RBBP7: variants seen among roughly 807,000 people sequenced by gnomAD.
RBBP7 encodes histone-binding protein RBBP7.
RBBP7 carries 5 observed loss-of-function variants against 35.2 expected under a neutral mutation model. The ratio of observed to expected loss-of-function variants is 0.14; its 90% confidence interval spans 0.07 to 0.30. The LOEUF is 0.30. RBBP7 is among the 10% of genes least tolerant of loss of function. The pLI, the probability that RBBP7 is intolerant of heterozygous loss-of-function variation, is 1.00. For missense variants in RBBP7, 155 were observed against 327.5 expected, an observed-to-expected ratio of 0.47 and a Z score of 4.07; for synonymous variants, 140 against 118.7, an observed-to-expected ratio of 1.18 and a Z score of -1.17.
At position 16,844,706 on chromosome X, in the gene RBBP7, G is replaced by C. The variant is rs1320459007; in HGVS notation, c.*329C>G. ...AATCAAGAAGTGTTGGAAGGAAAAA[G>C]TGTAAAAGTTATTCTTGCATATTTG... On this transcript the variant is annotated 3_prime_UTR_variant, in exon 12 of 12. Coordinates refer to ENST00000380087, the MANE Select transcript of RBBP7 (RefSeq NM_002893.4). 7.0e-6 allele frequency: 1 copy of C among 142,916 alleles called. No individual in the cohort carries two copies. The highest frequency in any genetic ancestry group is 1.3e-5 in the Non-Finnish European group (1 of 74,473). The allele number at this position is 142,916 out of a possible 1,213,427, so 11.8% of individuals were successfully genotyped here.
intron 3 of RBBP7, among the ~76,000 whole-genome samples, chrX:16,860,504 A>C (rs931551305): frequency 9.2e-6 from 1 of 108,779 alleles, no homozygotes; most frequent in Non-Finnish European, 1.9e-5. Context: ...CTGGCTAACA[A>C]GGTGAAACCC....
intron 2 of RBBP7, among the ~76,000 whole-genome samples, chrX:16,866,448 C>A (rs1465429596): frequency 2.1e-5 from 2 of 93,862 alleles, no homozygotes; most frequent in Non-Finnish European, 2.0e-5. Flanking sequence ...ATCGCTTGAA[C>A]CCGGGAGGTG....
chrX:16,851,933 A>G, intron 9 of RBBP7, 113 bp downstream of exon 9: 2 of 571,520 alleles, frequency 3.5e-6, no homozygotes, highest in East Asian at 6.7e-5. Context: ...TTTCTTTAAT[A>G]TTAGGTTTCT....
At chrX:16,868,271 T>C (rs1020892533) in intron 2 of RBBP7, among the ~76,000 whole-genome samples, 6 of 111,839 alleles carry the variant, frequency 5.4e-5, no homozygotes, top group Admixed American at 3.8e-4. Context: ...ACTTTAAAAG[T>C]ACATGGTCAA....
intron 10 of RBBP7, chrX:16,846,673 C>T (rs1354377016): frequency 1.8e-5 from 2 of 112,094 alleles, no homozygotes; most frequent in African/African-American, 6.5e-5. Context: ...AAGATTTAAA[C>T]GAAACACTTC....
intron 6 of RBBP7, 184 bp downstream of exon 6, chrX:16,853,498 C>T: frequency 2.7e-6 from 1 of 367,014 alleles, no homozygotes; most frequent in South Asian, 9.5e-5. Context: ...GTCTCACACT[C>T]CTGGTCTCAA....
chrX:16,857,682 A>G lies in RBBP7; in HGVS notation c.509T>C (p.Leu170Pro). 8.3e-7 allele frequency: 1 copy of G among 1,197,949 alleles called. No individual in the cohort carries two copies. The highest frequency in any genetic ancestry group is 1.1e-6 in the Non-Finnish European group (1 of 891,658). Reference protein sequence around the residue: ...PDPSGECNPDLRLRGHQKEGY... With the variant: ...PDPSGECNPDPRLRGHQKEGY... ...TTCCTTCTGGTGACCTCTTAATCTGAGATCAGGATTACATTCTCCACTTGG... is the reference window on the plus strand; with the variant it reads ...TTCCTTCTGGTGACCTCTTAATCTGGGATCAGGATTACATTCTCCACTTGG... The change falls in exon 5 of 12, where the codon CTC (leucine) becomes CCC (proline). Residue 170 changes from leucine to proline, a missense_variant. Leu to Pro is a moderately conservative substitution (Grantham distance 98). Coordinates refer to ENST00000380087, the MANE Select transcript of RBBP7 (RefSeq NM_002893.4).
chrX:16,869,610 C>T, intron 1 of RBBP7: 1 of 1,162,121 alleles, frequency 8.6e-7, no homozygotes, highest in Non-Finnish European at 1.1e-6. Context: ...AGGGGAGGCC[C>T]CAGCTCCCAC....
intron 10 of RBBP7, chrX:16,846,644 A>AT (rs1212522864): frequency 1.8e-5 from 2 of 112,098 alleles, no homozygotes; most frequent in South Asian, 3.7e-4. Flanking sequence ...ACTATGCCTT[A>AT]TTTTTTTATC....
rs754398259 is a variant in RBBP7 at position 16,855,995 on chromosome X, C to CAAAAA, written c.597+1594_597+1598dup. Among the ~76,000 whole-genome samples the CAAAAA allele has an allele frequency of 7.5e-4, 12 of 15,989 alleles. 2 individuals are homozygous for CAAAAA. In the East Asian group the frequency reaches 0.012, roughly 16 times the overall value. 13.9% of individuals were successfully genotyped at this position (15,989 alleles called of 115,157 possible). A position where few individuals can be genotyped will look rare whatever the true frequency, so the allele number is the denominator to read the frequency against. ...TGGGTGACAGAGCAAGACCTTGTCT[C>CAAAAA]AAAAAAAAAAAAAAAAAAAAAAAAA... On this transcript the variant is annotated intron_variant, in intron 5 of 11. Coordinates refer to ENST00000380087, the MANE Select transcript of RBBP7 (RefSeq NM_002893.4).
At position 16,856,602 on chromosome X, in the gene RBBP7, CA is replaced by C. The variant is rs200500552; in HGVS notation, c.597+991del. Among the ~76,000 whole-genome samples the C allele has an allele frequency of 7.4e-5, 8 of 107,725 alleles. No homozygotes were observed. In the Middle Eastern group the frequency reaches 0.019, roughly 249 times the overall value. 93.5% of individuals were successfully genotyped at this position (107,725 alleles called of 115,157 possible). A position where few individuals can be genotyped will look rare whatever the true frequency, so the allele number is the denominator to read the frequency against. On this transcript the variant is annotated intron_variant, in intron 5 of 11. Coordinates refer to ENST00000380087, the MANE Select transcript of RBBP7 (RefSeq NM_002893.4). The stretch of plus-strand genomic sequence containing the variant: ...TCCCCACCCCCAAGCCAAAAACAAA[CA>C]AAAAAAAACCCAGGAAATACCACTT...
At chrX:16,867,663 T>A (rs1039530344) in intron 2 of RBBP7, among the ~76,000 whole-genome samples, 3 of 110,970 alleles carry the variant, frequency 2.7e-5, no homozygotes, top group African/African-American at 9.8e-5. Flanking sequence ...TACATTAGAT[T>A]ATTATTATAA....
At chrX:16,854,854 G>A (rs766946795) in intron 5 of RBBP7, among the ~76,000 whole-genome samples, 13 of 109,620 alleles carry the variant, frequency 1.2e-4, no homozygotes, top group African/African-American at 4.3e-4. Context: ...ATCACAGAAA[G>A]AGTTAAGAGG....
At chrX:16,861,616 G>A (rs1037205629) in intron 3 of RBBP7, among the ~76,000 whole-genome samples, 4 of 111,874 alleles carry the variant, frequency 3.6e-5, no homozygotes, top group Non-Finnish European at 7.5e-5. Flanking sequence ...CCGAAGTGTT[G>A]GGACTATGGG....
intron 4 of RBBP7, 74 bp from the exon 5 acceptor site, chrX:16,857,783 T>C (rs767485125): frequency 5.4e-5 from 62 of 1,142,837 alleles, no homozygotes; most frequent in African/African-American, 5.4e-4. Flanking sequence ...CACTCCTTCA[T>C]TGAGTGAACC....
intron 10 of RBBP7, chrX:16,848,767 G>A (rs1461674779): frequency 8.9e-6 from 1 of 112,202 alleles, no homozygotes; most frequent in Non-Finnish European, 1.9e-5. Flanking sequence ...CACCACATAA[G>A]CTTTCAAAGG....
chrX:16,855,413 AT>A (rs1194402738), intron 5 of RBBP7, among the ~76,000 whole-genome samples: 2 of 110,776 alleles, frequency 1.8e-5, no homozygotes, highest in South Asian at 3.7e-4. Context: ...CAGTAACAAA[AT>A]TTTTTTTTAC....
intron 5 of RBBP7, among the ~76,000 whole-genome samples, chrX:16,857,285 A>G (rs776274897): frequency 1.8e-5 from 2 of 111,862 alleles, no homozygotes; most frequent in Non-Finnish European, 3.8e-5. Context: ...AAAATACTTT[A>G]TATTAATCAG....
At chrX:16,859,208 C>T (rs1278836055) in intron 3 of RBBP7, among the ~76,000 whole-genome samples, 2 of 112,434 alleles carry the variant, frequency 1.8e-5, no homozygotes, top group Non-Finnish European at 3.8e-5. Context: ...AAATACAACT[C>T]ACTGTAAGTA....
Sources: gnomAD v4.1 joint callset for allele counts (sites outside exome capture counted in the v4.1 genomes callset) on GRCh38, gnomAD v4.1.1 for gene constraint, MANE v1.5 for transcripts, NCBI Gene and HGNC (gene_info 2026-07-23, HGNC 2026-07-21) for gene names.